Variants in FHOD3 observed in about 807,000 individuals in gnomAD.
FHOD3 encodes formin homology 2 domain containing 3, also known as FH1/FH2 domain-containing protein 3.
FHOD3 carries 90 observed loss-of-function variants against 173.0 expected under a neutral mutation model. That is an observed-to-expected ratio of 0.52 (90% CI 0.44 to 0.62). The LOEUF (loss-of-function observed/expected upper bound fraction) is 0.62, where lower values mean the gene tolerates loss of function less well. Among genes scored for constraint, FHOD3 ranks in the 20% least tolerant of loss-of-function variants. FHOD3 has a pLI of 0.00. For missense variants in FHOD3, 1,945 were observed against 2,034.7 expected (o/e 0.96, Z 0.85); for synonymous variants, 828 against 823.0 (o/e 1.01, Z -0.10).
At chr18:36,609,692 C>G (rs2045361149) in intron 8 of FHOD3, among the ~76,000 whole-genome samples, 2 of 146,854 alleles carry the variant, frequency 1.4e-5, no homozygotes, top group Non-Finnish European at 3.0e-5. Flanking sequence ...TCACTGCAAT[C>G]TCCGTCTCCC....
intron 3 of FHOD3, among the ~76,000 whole-genome samples, chr18:36,412,121 G>A (rs1425037829): frequency 1.3e-5 from 2 of 152,166 alleles, no homozygotes; most frequent in East Asian, 3.8e-4. Flanking sequence ...AGGAAGGGGC[G>A]GGGCTGGAGG....
chr18:36,697,775 A>G (rs1213195680), intron 17 of FHOD3, among the ~76,000 whole-genome samples: 1 of 152,236 alleles, frequency 6.6e-6, no homozygotes, highest in African/African-American at 2.4e-5. Flanking sequence ...CTGATCCTCA[A>G]ACCTGGAAAT....
At chr18:36,686,121 T>C (rs1405735683) in intron 15 of FHOD3, among the ~76,000 whole-genome samples, 4 of 152,072 alleles carry the variant, frequency 2.6e-5, no homozygotes, top group African/African-American at 9.7e-5. Context: ...CAAAGGAATA[T>C]AAATCATTCT....
intron 9 of FHOD3, 123 bp from the exon 10 acceptor site, chr18:36,625,388 C>T (rs887461598): frequency 5.0e-5 from 41 of 813,240 alleles, no homozygotes; most frequent in African/African-American, 7.0e-5. Context: ...GAAGCTGAGG[C>T]GTGCAGTTTG....
chr18:36,334,149 A>G (rs2045177139), intron 1 of FHOD3, among the ~76,000 whole-genome samples: 1 of 152,228 alleles, frequency 6.6e-6, no homozygotes, highest in Non-Finnish European at 1.5e-5. Context: ...CCAACTCTGT[A>G]GGTAGTTTCT....
intron 5 of FHOD3, among the ~76,000 whole-genome samples, chr18:36,552,308 G>T (rs2057691208): frequency 6.6e-6 from 1 of 151,988 alleles, no homozygotes; most frequent in Non-Finnish European, 1.5e-5. Context: ...GTCTGTTATG[G>T]GTGCATAGGA....
intron 5 of FHOD3, among the ~76,000 whole-genome samples, chr18:36,553,318 A>G (rs2057738932): frequency 6.6e-6 from 1 of 152,276 alleles, no homozygotes; most frequent in Admixed American, 6.5e-5. Context: ...TGGTATCAGG[A>G]TGATGCTGGC....
At chr18:36,559,722 G>A (rs1386711983) in intron 5 of FHOD3, among the ~76,000 whole-genome samples, 3 of 152,116 alleles carry the variant, frequency 2.0e-5, no homozygotes, top group Non-Finnish European at 4.4e-5. Flanking sequence ...GATAGAGCCC[G>A]TGGCCTTAAG....
At chr18:36,618,776 T>C (rs2033456694) in intron 9 of FHOD3, among the ~76,000 whole-genome samples, 1 of 152,144 alleles carries the variant, frequency 6.6e-6, no homozygotes. Context: ...GTAAGCTGTG[T>C]TTGTCAGTTG....
chr18:36,424,065 C>T (rs547666953), intron 3 of FHOD3, among the ~76,000 whole-genome samples: 1 of 152,266 alleles, frequency 6.6e-6, no homozygotes, highest in Non-Finnish European at 1.5e-5. Context: ...ACACAAAACA[C>T]ACACCTACAC....
intron 3 of FHOD3, among the ~76,000 whole-genome samples, chr18:36,456,086 C>G (rs1004077742): frequency 6.6e-6 from 1 of 152,100 alleles, no homozygotes; most frequent in East Asian, 1.9e-4. Context: ...TTCCAGACCC[C>G]CTGTGAAGTT....
chr18:36,372,166 C>A (rs968269794), intron 2 of FHOD3, among the ~76,000 whole-genome samples: 5 of 152,156 alleles, frequency 3.3e-5, no homozygotes, highest in Admixed American at 3.3e-4. Flanking sequence ...TGTAAGCCTT[C>A]TTTTGTAGAT....
intron 3 of FHOD3, among the ~76,000 whole-genome samples, chr18:36,474,588 C>A (rs769890189): frequency 6.6e-6 from 1 of 151,896 alleles, no homozygotes; most frequent in Non-Finnish European, 1.5e-5. Flanking sequence ...TCAGGAGGGC[C>A]GAAACTGGAA....
chr18:36,333,593 C>G (rs1273640404), intron 1 of FHOD3, among the ~76,000 whole-genome samples: 1 of 152,228 alleles, frequency 6.6e-6, no homozygotes, highest in Non-Finnish European at 1.5e-5. Context: ...AGTTGTCCTG[C>G]CTGCAGTGGG....
intron 1 of FHOD3, among the ~76,000 whole-genome samples, chr18:36,308,840 C>A (rs112944235): frequency 3.2e-4 from 48 of 152,264 alleles, no homozygotes; most frequent in African/African-American, 8.7e-4. Context: ...ATGATGATTG[C>A]AGCAATAGGA....
chr18:36,527,277 T>A (rs1159159083), intron 5 of FHOD3, among the ~76,000 whole-genome samples: 1 of 152,222 alleles, frequency 6.6e-6, no homozygotes, highest in East Asian at 1.9e-4. Context: ...TCATCTGGTC[T>A]AAATTTGATT....
chr18:36,559,419 C>T (rs561879283), intron 5 of FHOD3, among the ~76,000 whole-genome samples: 4 of 152,282 alleles, frequency 2.6e-5, no homozygotes, highest in East Asian at 1.9e-4. Flanking sequence ...TAAAATAGGA[C>T]GAGCTGACTT....
chr18:36,687,183 G>T lies in FHOD3; in HGVS notation c.2021+5G>T. ...AAGGCAAGCAAGAGAAGAAAGGTTTGTATATTTCTTCTTTCCCATTGTAAC... is the reference window on the plus strand; with the variant it reads ...AAGGCAAGCAAGAGAAGAAAGGTTTTTATATTTCTTCTTTCCCATTGTAAC... On this transcript the variant is annotated splice_donor_5th_base_variant and intron_variant, in intron 16 of 28. Coordinates refer to ENST00000590592, the MANE Select transcript of FHOD3 (RefSeq NM_001281740.3). The T allele has an allele frequency of 6.2e-7, 1 of 1,603,804 alleles. No individual in the cohort carries two copies. Among genetic ancestry groups the T allele is most frequent in the East Asian group, 2.2e-5 (1 of 44,752 alleles).
chr18:36,327,895 G>A (rs577829785), intron 1 of FHOD3, among the ~76,000 whole-genome samples: 11 of 152,168 alleles, frequency 7.2e-5, no homozygotes, highest in Non-Finnish European at 1.2e-4. Context: ...TTAAACCAAT[G>A]TGTATGCCTG....
Sources: gnomAD v4.1 joint callset for allele counts (sites outside exome capture counted in the v4.1 genomes callset) on GRCh38, gnomAD v4.1.1 for gene constraint, MANE v1.5 for transcripts, NCBI Gene and HGNC (gene_info 2026-07-23, HGNC 2026-07-21) for gene names.